Variants in ACOX1 observed in about 807,000 individuals in gnomAD.
ACOX1 encodes the protein acyl-CoA oxidase 1, also known as peroxisomal acyl-coenzyme A oxidase 1.
In ACOX1, 41 loss-of-function variants were observed where a neutral mutation model predicts 75.5. The ratio of observed to expected loss-of-function variants is 0.54; its 90% CI spans 0.42 to 0.70. ACOX1 has a LOEUF of 0.70. ACOX1 is among the 30% of genes least tolerant of loss of function. The pLI is 0.00. For synonymous variants in ACOX1, 303 were observed against 298.8 expected, an observed-to-expected ratio of 1.01 and a Z score of -0.15; for missense variants, 630 against 837.5, an observed-to-expected ratio of 0.75 and a Z score of 3.06.
At position 75,955,618 on chromosome 17, in the gene ACOX1, T is replaced by C. The variant is rs756260598; in HGVS notation, c.722A>G (p.Lys241Arg). 161 of 1,614,124 alleles carry C rather than the reference T, an allele frequency of 1.0e-4. No homozygotes were observed. In the Middle Eastern group the frequency reaches 1.3e-3, roughly 13 times the overall value. The stretch of plus-strand genomic sequence containing the variant: ...TCTGGGAATACGATGGTTGTCCATT[T>C]TGAGGTAGCCATTGTCTATCTCATC... Reference protein sequence around the residue: ...GYDEIDNGYLKMDNHRIPREN... With the variant: ...GYDEIDNGYLRMDNHRIPREN... The change falls in exon 6 of 14, where the codon AAA (lysine) becomes AGA (arginine). Residue 241 changes from lysine (K) to arginine (R), a missense_variant. By Grantham distance (26) the Lys-to-Arg change is conservative. Coordinates refer to ENST00000293217, the MANE Select transcript of ACOX1 (RefSeq NM_004035.7).
intron 6 of ACOX1, among the ~76,000 whole-genome samples, chr17:75,955,326 C>T (rs1435866218): frequency 6.6e-6 from 1 of 152,072 alleles, no homozygotes; most frequent in Non-Finnish European, 1.5e-5. Flanking sequence ...CCATACCCAG[C>T]TAGATTTTTT....
At position 75,951,562 on chromosome 17, in the gene ACOX1, C is replaced by A; in HGVS notation, c.960G>T (p.Gln320His). Residue 320 changes from glutamine (Q) to histidine (H), a missense_variant, in exon 8 of 14, where the codon CAG (glutamine) becomes CAT (histidine). By Grantham distance (24) the Gln-to-His change is conservative. Transcript: ENST00000293217. ...ACTGCTGGGTTTGAAAATCCAAAAT[C>A]TGTGGTTCTGGTTCACTACGTGACA... ...SEIKPGEPEP[Q>H]ILDFQTQQYK... The A allele has an allele frequency of 4.3e-6, 7 of 1,614,090 alleles. No homozygotes were observed. Among genetic ancestry groups the A allele is most frequent in the Non-Finnish European group, 5.9e-6 (7 of 1,180,002 alleles).
At position 75,949,554 on chromosome 17, in the gene ACOX1, T is replaced by C. The variant is rs750177407; in HGVS notation, c.1525A>G (p.Arg509Gly). ...AKNLQKEVIH[R>G]KSKEVAWNLT... is the part of the protein sequence containing the mutation. ...TTCCAAGCTACCTCCTTGCTTTTTC[T>C]GTGAATCACTTCTTTTTGAAGGTTT... Residue 509 changes from arginine to glycine, a missense_variant, in exon 11 of 14, where the codon AGA (arginine) becomes GGA (glycine). This residue lies in a region of ACOX1 where 240 missense variants were observed against 262.7 expected (regional missense o/e 0.91). Transcript: ENST00000293217. The C allele has an allele frequency of 6.2e-7, 1 of 1,614,250 alleles. No homozygotes were observed.
rs1001729593 is a variant in ACOX1, at chr17:75,949,772, A to G, written c.1424T>C (p.Val475Ala). Reference sequence around the variant, plus strand: ...TAGGCTTTCGGGGCTGTTGATATCCACCATGGTTGGCCAGACTGCTACCTG... The same window carrying G: ...TAGGCTTTCGGGGCTGTTGATATCCGCCATGGTTGGCCAGACTGCTACCTG... ...PQQVAVWPTM[V>A]DINSPESLTE... The change falls in exon 10 of 14, where the codon GTG becomes GCG. Residue 475 changes from valine (V) to alanine (A), a missense_variant. Physicochemically the swap from Val to Ala is moderately conservative, Grantham distance 64. This residue lies in a region of ACOX1 where 240 missense variants were observed against 262.7 expected (regional missense o/e 0.91). Coordinates refer to ENST00000293217, the MANE Select transcript of ACOX1 (RefSeq NM_004035.7). 1.9e-6 allele frequency: 3 copies of G among 1,614,104 alleles called. No homozygotes were observed. Among genetic ancestry groups the G allele is most frequent in the Admixed American group, 3.3e-5 (2 of 59,998 alleles).
At position 75,942,091 on chromosome 17, in the gene ACOX1, C is replaced by G. The variant is rs1384549635; in HGVS notation, c.*4657G>C. The G allele has an allele frequency of 1.3e-5, 2 of 152,146 alleles. No individual in the cohort carries two copies. The highest frequency in any genetic ancestry group is 6.6e-5 in the Admixed American group (1 of 15,246). The allele number at this position is 152,146 out of a possible 1,614,324, so 9.4% of individuals were successfully genotyped here. On this transcript the variant is annotated 3_prime_UTR_variant, in exon 14 of 14. Coordinates refer to ENST00000293217, the MANE Select transcript of ACOX1 (RefSeq NM_004035.7). ...CCTTATATGTTTCTGTGTTTACTAT[C>G]ATGAACCATAGGAAGAAGTACTGGA...
At chr17:75,958,686 T>C (rs2065860299) in intron 3 of ACOX1, among the ~76,000 whole-genome samples, 1 of 151,568 alleles carries the variant, frequency 6.6e-6, no homozygotes, top group Non-Finnish European at 1.5e-5. Flanking sequence ...TGGGTGCCTG[T>C]AGTCCCAGCT....
At chr17:75,973,230 C>T in intron 2 of ACOX1, 1 of 238,774 alleles carries the variant, frequency 4.2e-6, no homozygotes, top group Non-Finnish European at 8.5e-6. Flanking sequence ...GCCTGCTGCC[C>T]CCATTAAAAT....
intron 12 of ACOX1, 101 bp from the exon 13 acceptor site, chr17:75,948,558 C>CTT (rs1040565790): frequency 8.0e-4 from 677 of 845,620 alleles, no homozygotes; most frequent in Non-Finnish European, 9.4e-4. Flanking sequence ...TTATTTTTTT[C>CTT]TTTTTTTTTT....
intron 3 of ACOX1, among the ~76,000 whole-genome samples, chr17:75,958,784 G>T (rs2144267604): frequency 6.7e-6 from 1 of 148,666 alleles, no homozygotes; most frequent in South Asian, 2.1e-4. Flanking sequence ...CTCCAGCCTG[G>T]GCGACAGAGC....
chr17:75,960,198 G>C lies in ACOX1; in HGVS notation c.430+17C>G. The C allele has an allele frequency of 1.2e-6, 2 of 1,613,906 alleles. No homozygotes were observed. The highest frequency in any genetic ancestry group is 1.7e-6 in the Non-Finnish European group (2 of 1,179,878). ...AGGGGCCCGCCCAACCCAGAAGGTA[G>C]ACTGAATACTCCATACCATGACCCA... On this transcript the variant is annotated intron_variant, in intron 3 of 13. Coordinates refer to ENST00000293217, the MANE Select transcript of ACOX1 (RefSeq NM_004035.7). This position sits in a 1 kb window ranked among gnomAD's most constrained non-coding sequence, Gnocchi z 4.4.
intron 3 of ACOX1, among the ~76,000 whole-genome samples, chr17:75,958,680 T>C (rs371436597): frequency 0.013 from 1,891 of 151,014 alleles, 15 homozygotes; most frequent in East Asian, 0.017. Flanking sequence ...TGGTGGTGGG[T>C]GCCTGTAGTC....
At chr17:75,958,339 C>T (rs1327159772) in intron 3 of ACOX1, among the ~76,000 whole-genome samples, 1 of 118,616 alleles carries the variant, frequency 8.4e-6, no homozygotes, top group Non-Finnish European at 1.7e-5. Flanking sequence ...GGTGGCAGAG[C>T]AAGACTCCAT....
intron 13 of ACOX1, 126 bp downstream of exon 13, chr17:75,948,125 A>G: frequency 1.1e-6 from 1 of 921,834 alleles, no homozygotes; most frequent in Non-Finnish European, 1.7e-6. Context: ...GCTCAAATAA[A>G]GTGACTGTCA....
intron 3 of ACOX1, among the ~76,000 whole-genome samples, chr17:75,959,800 G>A (rs992232856): frequency 3.3e-5 from 5 of 152,050 alleles, no homozygotes; most frequent in African/African-American, 1.2e-4. Context: ...AAATCCAAGA[G>A]TACACAAACT....
chr17:75,947,200 T>C (rs892675804), intron 13 of ACOX1, among the ~76,000 whole-genome samples: 6 of 151,912 alleles, frequency 3.9e-5, no homozygotes, highest in Admixed American at 2.0e-4. Flanking sequence ...CCTTATCTTT[T>C]AGAGCTATGC....
At position 75,950,688 on chromosome 17, in the gene ACOX1, A is replaced by G. The variant is rs774364931; in HGVS notation, c.1298+86T>C. 2.5e-5 allele frequency: 36 copies of G among 1,435,044 alleles called. No individual in the cohort carries two copies. The highest frequency in any genetic ancestry group is 3.5e-5 in the Non-Finnish European group (36 of 1,021,990). 88.9% of individuals were successfully genotyped at this position (1,435,044 alleles called of 1,614,324 possible). On this transcript the variant is annotated intron_variant, in intron 9 of 13. Coordinates refer to ENST00000293217, the MANE Select transcript of ACOX1 (RefSeq NM_004035.7). The surrounding 1 kb of genome is among the most constrained non-coding windows in gnomAD (Gnocchi z 4.3). ...CAGGAACAAATATATATATACGGTGAAGAAAAACCATGGGAACAAGAACCT... is the reference window on the plus strand; with the variant it reads ...CAGGAACAAATATATATATACGGTGGAGAAAAACCATGGGAACAAGAACCT...
intron 2 of ACOX1, chr17:75,973,559 T>C: frequency 6.4e-7 from 1 of 1,560,200 alleles, no homozygotes; most frequent in Non-Finnish European, 8.8e-7. Flanking sequence ...AAAAGTCAAA[T>C]GCCAGCAATC....
In ACOX1 at chr17:75,953,433, C is replaced by T. The variant is rs781764190; in HGVS notation, c.944+18G>A. On this transcript the variant is annotated intron_variant, in intron 7 of 13. Coordinates refer to ENST00000293217, the MANE Select transcript of ACOX1 (RefSeq NM_004035.7). ...ACTAGGCCTTTGGTACTGAGCCCAT[C>T]TAGGACCCTATCCTTACCCTGGCTT... is the stretch of plus-strand genomic sequence containing the variant. 1 of 1,612,948 alleles carries T rather than the reference C, an allele frequency of 6.2e-7. No individual in the cohort carries two copies. The highest frequency in any genetic ancestry group is 1.3e-5 in the African/African-American group (1 of 75,020).
In ACOX1 at chr17:75,943,850, T is replaced by C. The variant is rs560936658; in HGVS notation, c.*2898A>G. ...CAACACATTTCTATTAAACCTCACA[T>C]TTTCAATTTTGTATTTGGTTGAGAG... On this transcript the variant is annotated 3_prime_UTR_variant, in exon 14 of 14. Transcript: ENST00000293217. 2 of 152,260 alleles carry C rather than the reference T, an allele frequency of 1.3e-5. No individual in the cohort carries two copies. Among genetic ancestry groups the C allele is most frequent in the African/African-American group, 4.8e-5 (2 of 41,540 alleles). The allele number at this position is 152,260 out of a possible 1,614,324, so 9.4% of individuals were successfully genotyped here.
Sources: allele counts gnomAD v4.1 joint callset (sites outside exome capture counted in the v4.1 genomes callset), GRCh38; gene constraint gnomAD v4.1.1; regional missense constraint gnomAD v4.1.1; non-coding constraint Gnocchi (gnomAD v3.1); transcripts MANE v1.5; gene names NCBI Gene and HGNC (gene_info 2026-07-23, HGNC 2026-07-21).